The following TBC1D24 variants were observed in gnomAD, a reference collection of about 807,000 sequenced individuals.
TBC1D24 encodes the protein TBC1 domain family member 24, also known as Infantile myoclonic epilepsy.
TBC1D24 carries 47 observed loss-of-function variants against 50.7 expected under a neutral mutation model. That is an observed-to-expected ratio of 0.93 (90% CI 0.73 to 1.18). The LOEUF is 1.18. Ranked by LOEUF, TBC1D24 falls within the 50% of genes most tolerant of loss-of-function variation. The pLI, the probability that TBC1D24 is intolerant of heterozygous loss-of-function variation, is 0.00. For synonymous variants in TBC1D24, 324 were observed against 335.2 expected, an observed-to-expected ratio of 0.97 and a Z score of 0.36; for missense variants, 688 against 766.5, an observed-to-expected ratio of 0.90 and a Z score of 1.21.
Position 2,486,698 on chromosome 16 carries a change from G to T in TBC1D24, c.-115-9336G>T, listed in dbSNP as rs968085365. On this transcript the variant is annotated intron_variant, in intron 1 of 7. Coordinates refer to ENST00000646147, the MANE Select transcript of TBC1D24 (RefSeq NM_001199107.2). The surrounding 1 kb of genome is among the most constrained non-coding windows in gnomAD (Gnocchi z 5.8). ...CTGTGCTGTGGGCCTCATCCCCAGG[G>T]CTCTACCTCCAGCCTGAGCTGCTCT... Among the ~76,000 whole-genome samples, 3 of 152,224 alleles carry T rather than the reference G, an allele frequency of 2.0e-5. No homozygotes were observed. The highest frequency in any genetic ancestry group is 7.2e-5 in the African/African-American group (3 of 41,458).
intron 1 of TBC1D24, among the ~76,000 whole-genome samples, chr16:2,495,444 A>G (rs564356531): frequency 4.4e-4 from 67 of 152,238 alleles, no homozygotes; most frequent in Non-Finnish European, 3.1e-4. Context: ...CCAGGAGTTC[A>G]AGACCAGCCT....
Position 2,496,218 on chromosome 16 carries a change from C to A in TBC1D24, c.70C>A (p.Pro24Thr). 1 of 1,613,894 alleles carries A rather than the reference C, an allele frequency of 6.2e-7. No individual in the cohort carries two copies. The highest frequency in any genetic ancestry group is 8.5e-7 in the Non-Finnish European group (1 of 1,180,000). Residue 24 changes from proline (P) to threonine (T), a missense_variant, in exon 2 of 8, where the codon CCC (proline) becomes ACC (threonine). Pro to Thr is a conservative substitution (Grantham distance 38). Transcript: ENST00000646147. ...KMDAAIQDLG[P>T]KELSCTELQE... ...GGACGCTGCCATCCAGGACCTGGGG[C>A]CCAAGGAGCTGAGCTGCACTGAACT...
chr16:2,501,130 G>A lies in TBC1D24; in HGVS notation c.*172G>A, dbSNP rs939809994. ...GGACCTGCTGCTGCCTCTACCTGGG[G>A]TTTGGGCTGGGCTTCCCCAGTCCAC... On this transcript the variant is annotated 3_prime_UTR_variant, in exon 8 of 8. Transcript: ENST00000646147. 12 of 848,908 alleles carry A rather than the reference G, an allele frequency of 1.4e-5. No homozygotes were observed. The highest frequency in any genetic ancestry group is 2.2e-5 in the Non-Finnish European group (12 of 554,904). The allele number at this position is 848,908 out of a possible 1,614,324, so 52.6% of individuals were successfully genotyped here.
chr16:2,501,315 T>C lies in TBC1D24; in HGVS notation c.*357T>C. 3.1e-6 allele frequency: 1 copy of C among 317,916 alleles called. No individual in the cohort carries two copies. The highest frequency in any genetic ancestry group is 6.7e-5 in the East Asian group (1 of 14,900). 19.7% of individuals were successfully genotyped at this position (317,916 alleles called of 1,614,324 possible). A position where few individuals can be genotyped will look rare whatever the true frequency, so the allele number is the denominator to read the frequency against. ...AGCCTCTCTAGGCAGCCTGAGCCCC[T>C]GGGGTGGGAGTACAACGGCAGTGGG... is the stretch of plus-strand genomic sequence containing the variant. On this transcript the variant is annotated 3_prime_UTR_variant, in exon 8 of 8. Transcript: ENST00000646147.
intron 1 of TBC1D24, among the ~76,000 whole-genome samples, chr16:2,493,259 C>T (rs972383260): frequency 1.3e-5 from 2 of 151,840 alleles, no homozygotes; most frequent in African/African-American, 4.8e-5. Context: ...CTGCCTCAGC[C>T]TCCCGAGTAG....
chr16:2,497,773 CA>C (rs1216328327), intron 3 of TBC1D24, 46 bp downstream of exon 3: 6 of 1,529,596 alleles, frequency 3.9e-6, no homozygotes, highest in Non-Finnish European at 4.4e-6. Context: ...GTCTTTCCAC[CA>C]GGCTGACTCT....
chr16:2,498,364 C>G lies in TBC1D24; in HGVS notation c.1110C>G (p.Phe370Leu). 1 of 1,609,124 alleles carries G rather than the reference C, an allele frequency of 6.2e-7. No individual in the cohort carries two copies. Among genetic ancestry groups the G allele is most frequent in the Non-Finnish European group, 8.5e-7 (1 of 1,177,886 alleles). Residue 370 changes from phenylalanine (F) to leucine (L), a missense_variant, in exon 4 of 8, where the codon TTC becomes TTG. Physicochemically the swap from Phe to Leu is conservative, Grantham distance 22 (BLOSUM62 0). Transcript: ENST00000646147. Reference sequence around the variant, plus strand: ...CCCTGTGCCAGCCCCTTCTGCTGTTCTCCTCCCTGCAGCACGGGTACAGCC... The same window carrying G: ...CCCTGTGCCAGCCCCTTCTGCTGTTGTCCTCCCTGCAGCACGGGTACAGCC... ...RFALCQPLLLFSSLQHGYSLA... is the reference protein window; with the variant it reads ...RFALCQPLLLLSSLQHGYSLA...
At chr16:2,497,432 C>G (rs543481098) in intron 2 of TBC1D24, among the ~76,000 whole-genome samples, 2 of 152,224 alleles carry the variant, frequency 1.3e-5, no homozygotes, top group East Asian at 3.9e-4. Flanking sequence ...TCCACCCCTC[C>G]GGCTCTGGGC....
chr16:2,496,060 G>T lies in TBC1D24; in HGVS notation c.-89G>T. ...GTGTGAGATGGCAGACAGGTTTGCA[G>T]GAAACCCTCAGAAAGGGGGCTGGAG... On this transcript the variant is annotated 5_prime_UTR_variant, in exon 2 of 8. It adds an upstream start codon to the 5' untranslated region. Coordinates refer to ENST00000646147, the MANE Select transcript of TBC1D24 (RefSeq NM_001199107.2). The T allele has an allele frequency of 6.4e-7, 1 of 1,561,194 alleles. No homozygotes were observed.
chr16:2,484,742 T>C (rs1272592831), intron 1 of TBC1D24: 1 of 152,324 alleles, frequency 6.6e-6, no homozygotes, highest in South Asian at 2.1e-4. Flanking sequence ...GGTGGGGCTA[T>C]ATGGCAGGAG....
rs1326313755 is a variant in TBC1D24, at chr16:2,482,499, G to T, written c.-116+7329G>T. Among the ~76,000 whole-genome samples the T allele has an allele frequency of 6.6e-6, 1 of 152,208 alleles. No homozygotes were observed. Among genetic ancestry groups the T allele is most frequent in the African/African-American group, 2.4e-5 (1 of 41,462 alleles). On this transcript the variant is annotated intron_variant, in intron 1 of 7. Coordinates refer to ENST00000646147, the MANE Select transcript of TBC1D24 (RefSeq NM_001199107.2). This position sits in a 1 kb window ranked among gnomAD's most constrained non-coding sequence, Gnocchi z 5.2. ...AACAGTGACATTCCCACAGTGTAGT[G>T]TGGGGACTGCAGTTGGCACTGTGTG...
At chr16:2,495,383 T>C (rs1215386180) in intron 1 of TBC1D24, among the ~76,000 whole-genome samples, 1 of 152,092 alleles carries the variant, frequency 6.6e-6, no homozygotes, top group African/African-American at 2.4e-5. Context: ...CAGTGGCTCA[T>C]GCCTGTAATC....
At position 2,499,165 on chromosome 16, in the gene TBC1D24, G is replaced by A. The variant is rs2065769282; in HGVS notation, c.1143-192G>A. 6.6e-6 allele frequency among the ~76,000 whole-genome samples: 1 copy of A among 152,216 alleles called. No homozygotes were observed. Among genetic ancestry groups the A allele is most frequent in the African/African-American group, 2.4e-5 (1 of 41,462 alleles). On this transcript the variant is annotated intron_variant, in intron 4 of 7. Transcript: ENST00000646147. This position sits in a 1 kb window ranked among gnomAD's most constrained non-coding sequence, Gnocchi z 4.0. ...GGCCTCTCCCCTGAGTCACACCAGG[G>A]CAGGCTGTCCTGGGGATGGCAGAGA...
chr16:2,491,681 C>T (rs755784624), intron 1 of TBC1D24, among the ~76,000 whole-genome samples: 1 of 151,718 alleles, frequency 6.6e-6, no homozygotes, highest in Admixed American at 6.6e-5. Context: ...CAGCCTCCCA[C>T]GTAGCTGGGA....
At chr16:2,478,816 C>T (rs2065588780) in intron 1 of TBC1D24, 1 of 151,716 alleles carries the variant, frequency 6.6e-6, no homozygotes, top group Non-Finnish European at 1.5e-5. Flanking sequence ...TCACTGTAGC[C>T]TCGACCTTCT....
Position 2,496,963 on chromosome 16 carries a change from T to C in TBC1D24, c.815T>C (p.Phe272Ser). 6.2e-7 allele frequency: 1 copy of C among 1,614,014 alleles called. No individual in the cohort carries two copies. Among genetic ancestry groups the C allele is most frequent in the Non-Finnish European group, 8.5e-7 (1 of 1,180,034 alleles). ...SDSVKQDIRT[F>S]VRDIAKTVSP... Reference sequence around the variant, plus strand: ...AGCGTGAAGCAGGACATCCGCACGTTCGTCAGAGACATCGCGAAGACGGTG... The same window carrying C: ...AGCGTGAAGCAGGACATCCGCACGTCCGTCAGAGACATCGCGAAGACGGTG... Residue 272 changes from phenylalanine to serine, a missense_variant, in exon 2 of 8, where the codon TTC becomes TCC. Transcript: ENST00000646147.
At chr16:2,481,954 A>G (rs2065613578) in intron 1 of TBC1D24, 1 of 152,278 alleles carries the variant, frequency 6.6e-6, no homozygotes, top group Non-Finnish European at 1.5e-5. Context: ...AGAGCCCACT[A>G]TCAAGTTCCC....
intron 1 of TBC1D24, chr16:2,480,244 C>G (rs375755135): frequency 6.6e-6 from 1 of 152,384 alleles, no homozygotes; most frequent in Admixed American, 6.5e-5. Context: ...CATCCTCCCA[C>G]CTCGGCCTTC....
At chr16:2,489,570 G>T (rs1008137586) in intron 1 of TBC1D24, among the ~76,000 whole-genome samples, 1 of 152,240 alleles carries the variant, frequency 6.6e-6, no homozygotes, top group Admixed American at 6.5e-5. Flanking sequence ...CCCTGGAGAG[G>T]CTTCCCGGGT....
Sources: allele counts gnomAD v4.1 joint callset (sites outside exome capture counted in the v4.1 genomes callset), GRCh38; gene constraint gnomAD v4.1.1; non-coding constraint Gnocchi (gnomAD v3.1); transcripts MANE v1.5; gene names NCBI Gene and HGNC (gene_info 2026-07-23, HGNC 2026-07-21).